ATP11C: variants seen among roughly 807,000 people sequenced by gnomAD.
ATP11C encodes the protein ATPase phospholipid transporting 11C (ATP11C blood group), also known as phospholipid-transporting ATPase IG.
ATP11C carries 36 observed loss-of-function variants against 97.4 expected under a neutral mutation model. The observed-to-expected ratio is 0.37, with a 90% confidence interval of 0.28 to 0.49. The LOEUF (loss-of-function observed/expected upper bound fraction) is 0.49. Ranked by LOEUF, ATP11C falls within the 20% of genes least tolerant of loss-of-function variation. ATP11C has a pLI of 0.98. For synonymous variants in ATP11C, 275 were observed against 290.9 expected, an observed-to-expected ratio of 0.95 and a Z score of 0.56; for missense variants, 730 against 824.6, an observed-to-expected ratio of 0.89 and a Z score of 1.40.
intron 1 of ATP11C, among the ~76,000 whole-genome samples, chrX:139,839,674 C>T (rs1248979621): frequency 9.0e-6 from 1 of 111,688 alleles, no homozygotes; most frequent in Non-Finnish European, 1.9e-5. Flanking sequence ...CACACAACAA[C>T]CATGTGCAAC....
intron 1 of ATP11C, among the ~76,000 whole-genome samples, chrX:139,917,411 G>T (rs1369535345): frequency 9.0e-6 from 1 of 111,342 alleles, no homozygotes; most frequent in Non-Finnish European, 1.9e-5. Context: ...TATGGAATGT[G>T]GGAAAATATT....
chrX:139,774,710 T>G lies in ATP11C; in HGVS notation c.2196A>C (p.Lys732Asn). 3 of 1,208,308 alleles carry G rather than the reference T, an allele frequency of 2.5e-6. No homozygotes were observed. Among genetic ancestry groups the G allele is most frequent in the Non-Finnish European group, 3.4e-6 (3 of 893,033 alleles). The change falls in exon 19 of 30, where the codon AAA becomes AAC. Residue 732 changes from lysine (K) to asparagine (N), a missense_variant. Lys to Asn is a moderately conservative substitution (Grantham distance 94). Transcript: ENST00000682941. ...CTTACTTTTTAAAGCTTCTAGTACTTTTAGGAAACTCATGCAGCAATTTCT... is the reference window on the plus strand; with the variant it reads ...CTTACTTTTTAAAGCTTCTAGTACTGTTAGGAAACTCATGCAGCAATTTCT... ...YRKKLLHEFP[K>N]STRSFKKAWT...
rs1569494847 is a variant in ATP11C at position 139,932,869 on chromosome X, G to GA, written c.-828_-827insT. The GA allele has an allele frequency of 1.8e-5, 2 of 111,144 alleles. No individual in the cohort carries two copies. The highest frequency in any genetic ancestry group is 6.5e-5 in the African/African-American group (2 of 30,604). 9.2% of individuals were successfully genotyped at this position (111,144 alleles called of 1,213,427 possible). A position where few individuals can be genotyped will look rare whatever the true frequency, so the allele number is the denominator to read the frequency against. On this transcript the variant is annotated 5_prime_UTR_variant, in exon 1 of 30. Transcript: ENST00000682941. ...GCGGGAGGGGCGGGGCGGGGTGCGA[G>GA]GGGGGACTAGTTCTGAAAGCCCACC... is the stretch of plus-strand genomic sequence containing the variant.
At chrX:139,905,707 C>A (rs187107502) in intron 1 of ATP11C, among the ~76,000 whole-genome samples, 17 of 110,329 alleles carry the variant, frequency 1.5e-4, no homozygotes, top group African/African-American at 5.6e-4. Context: ...AAAGTACTTA[C>A]GTATTTTATG....
chrX:139,834,779 G>A (rs901769002), intron 1 of ATP11C, among the ~76,000 whole-genome samples: 1 of 111,903 alleles, frequency 8.9e-6, no homozygotes, highest in Non-Finnish European at 1.9e-5. Flanking sequence ...TGAATTACAT[G>A]GAACAAGTTA....
rs1487288448 is a variant in ATP11C at position 139,785,245 on chromosome X, T to G, written c.1647A>C (p.Val549=). The change falls in exon 16 of 30, where the codon GTA becomes GTC. Residue 549 remains valine (V), a synonymous_variant. Transcript: ENST00000682941. ...ATGTACCTTCTTGAGTCTTCACAAT[T>G]ACACTCATACGTCGCCGGACAGCAT... ...NFDAVRRRMS[V]IVKTQEGDIL... 8.3e-7 allele frequency: 1 copy of G among 1,207,476 alleles called. No individual in the cohort carries two copies. Among genetic ancestry groups the G allele is most frequent in the Admixed American group, 2.2e-5 (1 of 45,558 alleles).
At chrX:139,741,177 C>T (rs2081547883) in intron 26 of ATP11C, 83 bp from the exon 27 acceptor site, 2 of 566,135 alleles carry the variant, frequency 3.5e-6, no homozygotes, top group Non-Finnish European at 3.0e-6. Context: ...AACTAGTACA[C>T]AATGATACCT....
chrX:139,911,527 C>A (rs1415225209), intron 1 of ATP11C, among the ~76,000 whole-genome samples: 1 of 111,372 alleles, frequency 9.0e-6, no homozygotes, highest in Non-Finnish European at 1.9e-5. Context: ...AGTGAGAATG[C>A]CCATTGGTAC....
intron 19 of ATP11C, among the ~76,000 whole-genome samples, chrX:139,773,107 T>C (rs1478169285): frequency 2.7e-5 from 3 of 111,192 alleles, no homozygotes; most frequent in African/African-American, 9.8e-5. Flanking sequence ...GTTCTCATTA[T>C]AGTGAATTAA....
chrX:139,801,604 T>G (rs1172277353), intron 7 of ATP11C, among the ~76,000 whole-genome samples: 4 of 111,793 alleles, frequency 3.6e-5, no homozygotes, highest in Non-Finnish European at 5.6e-5. Context: ...ATAAAACCTG[T>G]TACACTACCC....
chrX:139,848,630 G>T (rs2083945160), intron 1 of ATP11C, among the ~76,000 whole-genome samples: 2 of 110,289 alleles, frequency 1.8e-5, no homozygotes, highest in African/African-American at 6.6e-5. Context: ...CTCCTGAGTA[G>T]CTGGGCCTAC....
chrX:139,780,380 G>A (rs1447778349), intron 18 of ATP11C, among the ~76,000 whole-genome samples: 5 of 111,261 alleles, frequency 4.5e-5, no homozygotes, highest in African/African-American at 1.6e-4. Context: ...TTCCTGGGAT[G>A]CAAGGACGGC....
At chrX:139,756,396 C>T (rs905710234) in intron 23 of ATP11C, among the ~76,000 whole-genome samples, 8 of 112,024 alleles carry the variant, frequency 7.1e-5, no homozygotes, top group Admixed American at 9.4e-5. Flanking sequence ...ATTAGTTTAG[C>T]CATTGTGGAG....
chrX:139,872,044 C>T (rs2084385642), intron 1 of ATP11C, among the ~76,000 whole-genome samples: 1 of 110,820 alleles, frequency 9.0e-6, no homozygotes, highest in African/African-American at 3.3e-5. Context: ...TTATAAAGCA[C>T]CCTTCAGTCC....
Position 139,867,367 on chromosome X carries a change from T to C in ATP11C, c.28-40544A>G, listed in dbSNP as rs144824728. Among the ~76,000 whole-genome samples the C allele has an allele frequency of 3.2e-3, 336 of 105,145 alleles. 5 individuals are homozygous for C. The highest frequency in any genetic ancestry group is 0.011 in the African/African-American group (306 of 28,606). 91.3% of individuals were successfully genotyped at this position (105,145 alleles called of 115,157 possible). ...GGGGGATAGGAAGTGTTGGGGGAGG[T>C]TGCAATTTTAGATAGGGTTACAAAG... On this transcript the variant is annotated intron_variant, in intron 1 of 29. Transcript: ENST00000682941.
intron 1 of ATP11C, among the ~76,000 whole-genome samples, chrX:139,854,424 G>A (rs768638749): frequency 9.0e-6 from 1 of 111,702 alleles, no homozygotes; most frequent in East Asian, 2.8e-4. Context: ...AAGGAAGTTC[G>A]CTTTGGAAAA....
intron 24 of ATP11C, among the ~76,000 whole-genome samples, chrX:139,747,581 C>T (rs1459629408): frequency 3.6e-5 from 4 of 111,607 alleles, no homozygotes; most frequent in Non-Finnish European, 7.5e-5. Flanking sequence ...CACCTGTTCC[C>T]TCTATAGAAA....
intron 12 of ATP11C, among the ~76,000 whole-genome samples, chrX:139,794,619 AT>A (rs2082756786): frequency 1.8e-5 from 2 of 111,473 alleles, no homozygotes; most frequent in Non-Finnish European, 3.8e-5. Flanking sequence ...CACTCATCAA[AT>A]TTACTAGATC....
In ATP11C at chrX:139,783,237, T is replaced by C; in HGVS notation, c.1697A>G (p.Asp566Gly). ...GDILLFCKGA[D>G]SAVFPRVQNH... ...TTGCACTCTGGGAAAAACTGCCGAG[T>C]CTGCTCCTTTACAAAAGAGAAGTAT... Residue 566 changes from aspartate (D) to glycine (G), a missense_variant, in exon 17 of 30, where the codon GAC (aspartate) becomes GGC (glycine). Coordinates refer to ENST00000682941, the MANE Select transcript of ATP11C (RefSeq NM_001353812.2). The C allele has an allele frequency of 3.3e-6, 4 of 1,204,602 alleles. No homozygotes were observed. The highest frequency in any genetic ancestry group is 4.5e-6 in the Non-Finnish European group (4 of 890,003).
Sources: gnomAD v4.1 joint callset for allele counts (sites outside exome capture counted in the v4.1 genomes callset) on GRCh38, gnomAD v4.1.1 for gene constraint, MANE v1.5 for transcripts, NCBI Gene and HGNC (gene_info 2026-07-23, HGNC 2026-07-21) for gene names.